SPMAP2L: variants seen among roughly 807,000 people sequenced by gnomAD.
SPMAP2L encodes sperm microtubule associated protein 2-like.
At chr4:56,612,025 T>C in the SPMAP2L span, among the ~76,000 whole-genome samples, 2 of 152,194 alleles carry the variant, frequency 1.3e-5, no homozygotes, top group Non-Finnish European at 2.9e-5. Flanking sequence ...CTGTGCGTGC[T>C]CCCATTTGGG....
At chr4:56,549,784 C>T in the SPMAP2L span, among the ~76,000 whole-genome samples, 6 of 152,126 alleles carry the variant, frequency 3.9e-5, no homozygotes, top group Admixed American at 2.6e-4. Flanking sequence ...ATAAAATTAC[C>T]TTCAGGCTAT....
the SPMAP2L span, among the ~76,000 whole-genome samples, chr4:56,566,695 C>CTTTTTTTTTTTTTTTTTTTTTTTTCT: frequency 1.1e-5 from 1 of 92,448 alleles, no homozygotes; most frequent in Non-Finnish European, 2.0e-5. Context: ...TTTTCTTTTT[C>CTTTTTTTTTTTTTTTTTTTTTTTTCT]TTTTTTTTTT....
chr4:56,551,525 C>G, the SPMAP2L span, among the ~76,000 whole-genome samples: 1 of 152,028 alleles, frequency 6.6e-6, no homozygotes, highest in Non-Finnish European at 1.5e-5. Flanking sequence ...GGGATTCAAA[C>G]TACTCATTTC....
the SPMAP2L span, among the ~76,000 whole-genome samples, chr4:56,565,332 T>G: frequency 6.6e-6 from 1 of 152,268 alleles, no homozygotes. Flanking sequence ...TTTTACTTTA[T>G]GTACTCTAAA....
chr4:56,594,990 G>T, the SPMAP2L span: 2 of 1,607,836 alleles, frequency 1.2e-6, no homozygotes, highest in Admixed American at 1.7e-5. Context: ...ACCTTGCCCC[G>T]TTTTTGCCCA....
the SPMAP2L span, chr4:56,601,119 T>C: frequency 6.5e-7 from 1 of 1,531,004 alleles, no homozygotes; most frequent in Non-Finnish European, 8.7e-7. Context: ...GGTATGTCAA[T>C]TTCAGGCTAA....
At chr4:56,598,307 T>C in the SPMAP2L span, among the ~76,000 whole-genome samples, 2 of 152,210 alleles carry the variant, frequency 1.3e-5, no homozygotes, top group African/African-American at 4.8e-5. Context: ...CAGTATATGT[T>C]TATTCAGCAC....
chr4:56,565,754 T>C, the SPMAP2L span, among the ~76,000 whole-genome samples: 2 of 152,320 alleles, frequency 1.3e-5, no homozygotes, highest in South Asian at 4.2e-4. Flanking sequence ...TACATATTTA[T>C]TCATCAATCC....
the SPMAP2L span, among the ~76,000 whole-genome samples, chr4:56,580,352 A>G: frequency 6.6e-6 from 1 of 152,214 alleles, no homozygotes. Context: ...CACTAAATTA[A>G]TAGAATGAAA....
chr4:56,544,581 C>T, the SPMAP2L span, among the ~76,000 whole-genome samples: 5 of 152,136 alleles, frequency 3.3e-5, no homozygotes, highest in African/African-American at 1.2e-4. Flanking sequence ...TTATGTTGCT[C>T]CTTGTATAAC....
the SPMAP2L span, among the ~76,000 whole-genome samples, chr4:56,585,346 T>G: frequency 6.6e-6 from 1 of 151,918 alleles, no homozygotes; most frequent in Non-Finnish European, 1.5e-5. Context: ...TACCGTGGGA[T>G]TTTATTTTTT....
At chr4:56,548,930 G>A in the SPMAP2L span, 1 of 591,136 alleles carries the variant, frequency 1.7e-6, no homozygotes, top group African/African-American at 1.9e-5. Context: ...TTTTCAAAAA[G>A]GACATTCCTA....
the SPMAP2L span, among the ~76,000 whole-genome samples, chr4:56,619,757 A>G: frequency 4.0e-3 from 609 of 152,368 alleles, 5 homozygotes; most frequent in African/African-American, 0.014. Context: ...TGCAGAGTAA[A>G]GAAAATCAGC....
the SPMAP2L span, among the ~76,000 whole-genome samples, chr4:56,545,144 CCCT>C: frequency 6.6e-6 from 1 of 152,198 alleles, no homozygotes; most frequent in African/African-American, 2.4e-5. Context: ...CCCTGCTCCA[CCCT>C]CCTCCTAAAA....
At chr4:56,593,528 G>A in the SPMAP2L span, 2 of 1,599,374 alleles carry the variant, frequency 1.3e-6, no homozygotes, top group Non-Finnish European at 1.7e-6. Flanking sequence ...CTGGCCTGCT[G>A]TGTGTGCTAC....
the SPMAP2L span, among the ~76,000 whole-genome samples, chr4:56,600,097 C>CTTTTTTT: frequency 1.4e-3 from 126 of 87,812 alleles, 1 homozygote; most frequent in African/African-American, 3.4e-3. Context: ...TCTTTGCTTT[C>CTTTTTTT]TTTTTTTTTT....
chr4:56,595,560 G>T, the SPMAP2L span: 1 of 1,415,880 alleles, frequency 7.1e-7, no homozygotes, highest in Non-Finnish European at 1.0e-6. Context: ...TTCCAGAGAG[G>T]TGGCAGCATT....
the SPMAP2L span, chr4:56,601,145 G>A: frequency 6.6e-7 from 1 of 1,517,780 alleles, no homozygotes; most frequent in Non-Finnish European, 8.8e-7. Context: ...GACAGGAAAG[G>A]CTGGGGTTCT....
chr4:56,588,992 T>A, the SPMAP2L span, among the ~76,000 whole-genome samples: 11 of 152,122 alleles, frequency 7.2e-5, no homozygotes, highest in African/African-American at 2.4e-4. Context: ...TGTGCCTATT[T>A]TTTTTTCTTT....
Sources: gnomAD v4.1 joint callset for allele counts (sites outside exome capture counted in the v4.1 genomes callset) on GRCh38, gnomAD v4.1.1 for gene constraint, MANE v1.5 for transcripts, NCBI Gene and HGNC (gene_info 2026-07-23, HGNC 2026-07-21) for gene names.